Variants in TSPO2 observed in about 807,000 individuals in gnomAD.
TSPO2 encodes the protein translocator protein 2, also known as benzodiazapine receptor (peripheral)-like 1.
A neutral mutation model predicts 13.3 loss-of-function variants in TSPO2; 15 were observed. The ratio of observed to expected loss-of-function variants is 1.13; its 90% CI spans 0.75 to 1.73. The LOEUF is 1.73. Among genes scored for constraint, TSPO2 ranks in the 40% most tolerant of loss-of-function variants. The pLI is 0.00. For missense variants in TSPO2, 202 were observed against 198.3 expected (o/e 1.02, Z -0.11); for synonymous variants, 81 against 91.6 (o/e 0.88, Z 0.66).
At position 41,043,192 on chromosome 6, in the gene TSPO2, C is replaced by T. The variant is rs1762617929; in HGVS notation, c.173+34C>T. The T allele has an allele frequency of 2.5e-6, 4 of 1,582,806 alleles. No individual in the cohort carries two copies. The East Asian group carries it at 9.0e-5, about 35-fold the overall frequency. ...TTGTTTCTCACACATGGCCCTGGTA[C>T]CCAATGGGGTGGGAACAAGTCCTCT... On this transcript the variant is annotated intron_variant, in intron 2 of 3. Coordinates refer to ENST00000373161, the MANE Select transcript of TSPO2 (RefSeq NM_001010873.3).
chr6:41,041,746 C>T (rs542148154), upstream of TSPO2, among the ~76,000 whole-genome samples: 3 of 152,260 alleles, frequency 2.0e-5, no homozygotes, highest in East Asian at 1.9e-4. Flanking sequence ...GAGGCCAAGG[C>T]GGGTGGATCA....
chr6:41,042,512 T>G lies in TSPO2; in HGVS notation c.-287T>G. ...GACTAGAAAAGAGTCCCCAGGAATT[T>G]CTGGCTCCTGCCTTCAGATTGTGAA... is the stretch of plus-strand genomic sequence containing the variant. On this transcript the variant is annotated 5_prime_UTR_variant, in exon 1 of 4. Transcript: ENST00000373161. The G allele has an allele frequency of 2.9e-6, 1 of 346,612 alleles. No individual in the cohort carries two copies. The highest frequency in any genetic ancestry group is 2.3e-5 in the South Asian group (1 of 44,340). 21.5% of individuals were successfully genotyped at this position (346,612 alleles called of 1,614,324 possible).
rs780893786 is a variant in TSPO2, at chr6:41,043,524, C to T, written c.174-33C>T. On this transcript the variant is annotated intron_variant, in intron 2 of 3. Transcript: ENST00000373161. ...CCTCCATTTGCCACGGAACCTCCTC[C>T]CACTGAATGTTTTTGCCACCATGTC... 3 of 1,546,246 alleles carry T rather than the reference C, an allele frequency of 1.9e-6. No individual in the cohort carries two copies. The African/African-American group carries it at 4.1e-5, about 21-fold the overall frequency.
rs775149373 is a variant in TSPO2, at chr6:41,043,689, C to G, written c.306C>G (p.Asn102Lys). 1.2e-6 allele frequency: 2 copies of G among 1,602,474 alleles called. No homozygotes were observed. The highest frequency in any genetic ancestry group is 4.5e-5 in the East Asian group (2 of 44,704). The change falls in exon 3 of 4, where the codon AAC becomes AAG. Residue 102 changes from asparagine to lysine, a missense_variant. Coordinates refer to ENST00000373161, the MANE Select transcript of TSPO2 (RefSeq NM_001010873.3). ...TGGTTCTCTTTTTCACAGTCCACAA[C>G]CCTGGTCTGGTAAGGCACACAGTGC... ...TVLVLFFTVH[N>K]PGLALLHLLL...
Sources: allele counts gnomAD v4.1 joint callset (sites outside exome capture counted in the v4.1 genomes callset), GRCh38; gene constraint gnomAD v4.1.1; transcripts MANE v1.5; gene names NCBI Gene and HGNC (gene_info 2026-07-23, HGNC 2026-07-21).